CSGALNACT1: variants seen among roughly 807,000 people sequenced by gnomAD.
CSGALNACT1 encodes the protein beta4GalNAcT-1.
A neutral mutation model predicts 51.0 loss-of-function variants in CSGALNACT1; 52 were observed. The ratio of observed to expected loss-of-function variants is 1.02; its 90% CI spans 0.82 to 1.29. The LOEUF (loss-of-function observed/expected upper bound fraction) is 1.29, where lower values mean the gene tolerates loss of function less well. CSGALNACT1 is among the 50% of genes most tolerant of loss of function. The pLI is 0.00. For missense variants in CSGALNACT1, 935 were observed against 679.2 expected, an observed-to-expected ratio of 1.38 and a Z score of -4.19; for synonymous variants, 341 against 254.4, an observed-to-expected ratio of 1.34 and a Z score of -3.24.
At chr8:19,611,134 A>G (rs1303870718) in intron 1 of CSGALNACT1, among the ~76,000 whole-genome samples, 1 of 152,248 alleles carries the variant, frequency 6.6e-6, no homozygotes. Flanking sequence ...CACCTGTTGC[A>G]TGAAAAGCTA....
At chr8:19,616,267 A>T (rs893191963) in intron 1 of CSGALNACT1, among the ~76,000 whole-genome samples, 1 of 152,178 alleles carries the variant, frequency 6.6e-6, no homozygotes, top group Non-Finnish European at 1.5e-5. Flanking sequence ...ACTTGTTGCT[A>T]TTTTTAAATA....
intron 1 of CSGALNACT1, among the ~76,000 whole-genome samples, chr8:19,736,890 T>C (rs2064011871): frequency 6.6e-6 from 1 of 151,180 alleles, no homozygotes; most frequent in African/African-American, 2.4e-5. Flanking sequence ...AAGACAATTA[T>C]CCTTGAGTTC....
chr8:19,707,545 CTATTA>C (rs2154228409), intron 1 of CSGALNACT1, among the ~76,000 whole-genome samples: 1 of 152,282 alleles, frequency 6.6e-6, no homozygotes, highest in East Asian at 1.9e-4. Context: ...AAAGAAGTCA[CTATTA>C]ATAACTGTTG....
chr8:19,458,549 C>T (rs773932903), exon 5 of CSGALNACT1: 17 of 1,613,906 alleles, frequency 1.1e-5, no homozygotes, highest in Admixed American at 3.3e-5. Context: ...GCCGAATGGT[C>T]GAAATAAGAT....
intron 6 of CSGALNACT1, among the ~76,000 whole-genome samples, chr8:19,429,457 G>A (rs1301500835): frequency 2.3e-3 from 1 of 432 alleles, no homozygotes; most frequent in Non-Finnish European, 3.8e-3. Context: ...GATAACAGGC[G>A]TGAGCCACTG....
Position 19,627,703 on chromosome 8 carries a change from T to C in CSGALNACT1, c.-543-25838A>G, listed in dbSNP as rs184880772. ...AGCCAGGTATGGTGGCATGCACCTATAGTCCCAGCTACGTTGGAGGCTCAG... is the reference window on the plus strand; with the variant it reads ...AGCCAGGTATGGTGGCATGCACCTACAGTCCCAGCTACGTTGGAGGCTCAG... On this transcript the variant is annotated intron_variant, in intron 1 of 9. Coordinates refer to the CSGALNACT1 transcript ENST00000332246. 6.9e-4 allele frequency among the ~76,000 whole-genome samples: 105 copies of C among 152,242 alleles called. No individual in the cohort carries two copies. The East Asian group carries it at 0.018, about 26-fold the overall frequency.
rs35567016 is a variant in CSGALNACT1 at position 19,643,637 on chromosome 8, T to TA, written c.-544+38835dup. On this transcript the variant is annotated intron_variant, in intron 1 of 9. Coordinates refer to the CSGALNACT1 transcript ENST00000332246. ...TGGACAAGAGAGTGAGACACCATCT[T>TA]AAAAAAAAAAAAAAAGTGTGGAAAG... Among the ~76,000 whole-genome samples the TA allele has an allele frequency of 7.9e-3, 1,115 of 141,940 alleles. 10 individuals carry two copies. Among genetic ancestry groups the TA allele is most frequent in the Non-Finnish European group, 9.1e-3 (588 of 64,726 alleles). The allele number at this position is 141,940 out of a possible 152,430, so 93.1% of individuals were successfully genotyped here.
intron 3 of CSGALNACT1, among the ~76,000 whole-genome samples, chr8:19,558,258 G>GT (rs1218584173): frequency 1.1e-4 from 16 of 152,126 alleles, no homozygotes; most frequent in East Asian, 3.9e-4. Flanking sequence ...TTCACTTTGG[G>GT]TTTTTTTGTG....
intron 5 of CSGALNACT1, among the ~76,000 whole-genome samples, chr8:19,447,283 C>T (rs908611276): frequency 2.0e-5 from 3 of 152,142 alleles, no homozygotes; most frequent in Non-Finnish European, 1.5e-5. Flanking sequence ...TGTCTAGGAC[C>T]CCACTACAAA....
intron 4 of CSGALNACT1, among the ~76,000 whole-genome samples, chr8:19,471,320 C>T (rs989561937): frequency 6.6e-6 from 1 of 152,120 alleles, no homozygotes; most frequent in Non-Finnish European, 1.5e-5. Context: ...AGAGGCGAGC[C>T]TATAAAATCC....
chr8:19,643,506 T>A (rs2056951293), intron 1 of CSGALNACT1, among the ~76,000 whole-genome samples: 1 of 151,974 alleles, frequency 6.6e-6, no homozygotes, highest in Admixed American at 6.6e-5. Flanking sequence ...GGTGTGATAG[T>A]GTGCACCTGT....
intron 3 of CSGALNACT1, among the ~76,000 whole-genome samples, chr8:19,558,526 T>C (rs1433107435): frequency 6.6e-6 from 1 of 152,248 alleles, no homozygotes; most frequent in Non-Finnish European, 1.5e-5. Flanking sequence ...AAAGTATCTA[T>C]GGATTTGGAA....
intron 4 of CSGALNACT1, among the ~76,000 whole-genome samples, chr8:19,503,589 T>C (rs946715012): frequency 2.0e-5 from 3 of 152,116 alleles, no homozygotes; most frequent in African/African-American, 4.8e-5. Flanking sequence ...TTAATGATGT[T>C]TAATGATTTT....
intron 3 of CSGALNACT1, among the ~76,000 whole-genome samples, chr8:19,549,219 C>A (rs1022925539): frequency 6.6e-6 from 1 of 152,016 alleles, no homozygotes; most frequent in African/African-American, 2.4e-5. Context: ...ATCCTCTCCC[C>A]TCGAAAATCC....
chr8:19,633,289 G>T (rs2055555480), intron 1 of CSGALNACT1, among the ~76,000 whole-genome samples: 1 of 152,086 alleles, frequency 6.6e-6, no homozygotes, highest in South Asian at 2.1e-4. Flanking sequence ...TGATTTTTGT[G>T]ATCCTTTCCT....
intron 3 of CSGALNACT1, among the ~76,000 whole-genome samples, chr8:19,547,993 T>C (rs2086894817): frequency 6.6e-6 from 1 of 152,192 alleles, no homozygotes; most frequent in East Asian, 1.9e-4. Context: ...GGCATTGTAT[T>C]AAGTGATTCA....
chr8:19,524,864 C>T (rs977947361), intron 3 of CSGALNACT1, among the ~76,000 whole-genome samples: 1 of 152,128 alleles, frequency 6.6e-6, no homozygotes, highest in Admixed American at 6.5e-5. Flanking sequence ...GAACATCCCA[C>T]AGCCTCAGCC....
Position 19,458,644 on chromosome 8 carries a change from T to C in CSGALNACT1, c.635-2A>G, listed in dbSNP as rs2064675895. 1.2e-6 allele frequency: 2 copies of C among 1,613,878 alleles called. No homozygotes were observed. The highest frequency in any genetic ancestry group is 8.5e-7 in the Non-Finnish European group (1 of 1,179,728). On this transcript the variant is annotated splice_acceptor_variant, in intron 4 of 9. Transcript: ENST00000454498. LOFTEE classifies it high-confidence loss of function. The stretch of plus-strand genomic sequence containing the variant: ...TGTCCCTTTCTGTTCGGTAGATCCC[T>C]GTTAAGAGAAAAACAAGGAAAGATA...
intron 5 of CSGALNACT1, among the ~76,000 whole-genome samples, chr8:19,458,022 G>T (rs560707774): frequency 6.6e-6 from 1 of 152,250 alleles, no homozygotes; most frequent in East Asian, 1.9e-4. Flanking sequence ...TGCATAGCTC[G>T]CCAACTGTCA....
Sources: gnomAD v4.1 joint callset for allele counts (sites outside exome capture counted in the v4.1 genomes callset) on GRCh38, gnomAD v4.1.1 for gene constraint, MANE v1.5 for transcripts, NCBI Gene and HGNC (gene_info 2026-07-23, HGNC 2026-07-21) for gene names.